The following DIP2B variants were observed in gnomAD, a reference collection of about 807,000 sequenced individuals.
DIP2B encodes DIP2 acetate--CoA ligase B (putative).
In DIP2B, 76 loss-of-function variants were observed where a neutral mutation model predicts 198.0. The observed-to-expected ratio is 0.38, with a 90% CI of 0.32 to 0.46. The LOEUF is 0.46. Among genes scored for constraint, DIP2B ranks in the 20% least tolerant of loss-of-function variants. The pLI is 0.99. For synonymous variants in DIP2B, 701 were observed against 739.1 expected (o/e 0.95, Z 0.84); for missense variants, 1,559 against 1,978.4 (o/e 0.79, Z 4.02).
intron 19 of DIP2B, among the ~76,000 whole-genome samples, chr12:50,700,208 G>A (rs912944803): frequency 2.9e-4 from 44 of 152,152 alleles, no homozygotes; most frequent in African/African-American, 8.0e-4. Context: ...AGCTAGACTC[G>A]CACACGGTTT....
intron 1 of DIP2B, among the ~76,000 whole-genome samples, chr12:50,591,236 T>C (rs1032106824): frequency 6.6e-6 from 1 of 152,222 alleles, no homozygotes; most frequent in African/African-American, 2.4e-5. Flanking sequence ...CAATAATCTG[T>C]TTTACTTCTC....
chr12:50,695,927 T>C lies in DIP2B; in HGVS notation c.1893T>C (p.Ser631=), dbSNP rs763034446. Residue 631 remains serine, a synonymous_variant, in exon 16 of 38, where the codon AGT becomes AGC. Coordinates refer to ENST00000301180, the MANE Select transcript of DIP2B (RefSeq NM_173602.3). Reference sequence around the variant, plus strand: ...GGGACCAAAGAGACGTGAGCTTGAGTTCCCTCCGAATGTTAATTGTGACTG... The same window carrying C: ...GGGACCAAAGAGACGTGAGCTTGAGCTCCCTCCGAATGTTAATTGTGACTG... The part of the protein sequence containing the change: ...AHRDQRDVSL[S]SLRMLIVTDG... 6.2e-7 allele frequency: 1 copy of C among 1,614,028 alleles called. No individual in the cohort carries two copies. Among genetic ancestry groups the C allele is most frequent in the East Asian group, 2.2e-5 (1 of 44,880 alleles).
At chr12:50,651,231 G>C (rs1012851802) in intron 3 of DIP2B, among the ~76,000 whole-genome samples, 1 of 152,002 alleles carries the variant, frequency 6.6e-6, no homozygotes, top group Non-Finnish European at 1.5e-5. Context: ...GGATATTAAC[G>C]CCCTACCCAA....
chr12:50,650,473 T>C (rs1593687205), intron 3 of DIP2B, among the ~76,000 whole-genome samples: 1 of 152,042 alleles, frequency 6.6e-6, no homozygotes, highest in African/African-American at 2.4e-5. Flanking sequence ...ACAACTCATT[T>C]CCCCCTCCTC....
chr12:50,732,709 A>C (rs1157090684), intron 32 of DIP2B, among the ~76,000 whole-genome samples, 173 bp downstream of exon 32: 1 of 152,126 alleles, frequency 6.6e-6, no homozygotes, highest in Non-Finnish European at 1.5e-5. Flanking sequence ...CTCATCTGTA[A>C]GGTGAAGGTA....
chr12:50,619,085 GGGTTGCAT>G (rs1937755202), intron 1 of DIP2B, among the ~76,000 whole-genome samples: 1 of 152,052 alleles, frequency 6.6e-6, no homozygotes, highest in South Asian at 2.1e-4. Flanking sequence ...CTTTAAAGCA[GGGTTGCAT>G]GGCATATGCT....
At chr12:50,679,977 G>C (rs1429757259) in intron 8 of DIP2B, 1 of 152,064 alleles carries the variant, frequency 6.6e-6, no homozygotes, top group Admixed American at 6.6e-5. Flanking sequence ...TAAAAAACTG[G>C]CCGGGCACAG....
intron 1 of DIP2B, among the ~76,000 whole-genome samples, chr12:50,557,701 G>T (rs942170245): frequency 1.3e-5 from 2 of 152,206 alleles, no homozygotes; most frequent in African/African-American, 2.4e-5. Context: ...ACATCTGTAT[G>T]CATGAACCAC....
At chr12:50,694,500 AATAAATACATAC>A (rs1431695698) in intron 14 of DIP2B, among the ~76,000 whole-genome samples, 48 of 127,122 alleles carry the variant, frequency 3.8e-4, no homozygotes, top group Admixed American at 7.3e-4. Flanking sequence ...GTCTCAGATA[AATAAATACATAC>A]ATACATACAT....
intron 1 of DIP2B, among the ~76,000 whole-genome samples, chr12:50,511,401 C>T (rs746638905): frequency 9.0e-5 from 13 of 144,902 alleles, no homozygotes; most frequent in Non-Finnish European, 1.2e-4. Context: ...AAGCGATTCT[C>T]CTGCCTCAGC....
At chr12:50,610,937 T>C (rs893265296) in intron 1 of DIP2B, among the ~76,000 whole-genome samples, 1 of 152,028 alleles carries the variant, frequency 6.6e-6, no homozygotes, top group Non-Finnish European at 1.5e-5. Flanking sequence ...TAGCTGGGAT[T>C]ACAGGAGCCT....
intron 6 of DIP2B, 80 bp downstream of exon 6, chr12:50,674,709 T>C (rs1175256521): frequency 6.5e-7 from 1 of 1,547,158 alleles, no homozygotes; most frequent in Non-Finnish European, 8.8e-7. Context: ...AGCTCCTAAC[T>C]AGCCCAGCAG....
intron 1 of DIP2B, among the ~76,000 whole-genome samples, chr12:50,614,434 G>T (rs371650896): frequency 2.0e-5 from 3 of 152,030 alleles, no homozygotes; most frequent in African/African-American, 7.2e-5. Flanking sequence ...CACACCCAAG[G>T]CTTCAGCTAC....
chr12:50,595,451 A>G (rs1335766498), intron 1 of DIP2B, among the ~76,000 whole-genome samples: 1 of 152,120 alleles, frequency 6.6e-6, no homozygotes, highest in Non-Finnish European at 1.5e-5. Context: ...GACTACAGGC[A>G]TGCACCACCA....
At chr12:50,620,497 C>T (rs1009026878) in intron 1 of DIP2B, among the ~76,000 whole-genome samples, 4 of 152,144 alleles carry the variant, frequency 2.6e-5, no homozygotes, top group African/African-American at 9.7e-5. Flanking sequence ...CTCGCCACGA[C>T]CATTCTCTTG....
At chr12:50,703,375 G>A (rs1003566729) in intron 19 of DIP2B, among the ~76,000 whole-genome samples, 2 of 152,066 alleles carry the variant, frequency 1.3e-5, no homozygotes, top group Admixed American at 6.6e-5. Context: ...ATTAATGAGT[G>A]TAAATGGATA....
rs1958340101 is a variant in DIP2B, at chr12:50,542,992, T to A, written c.100+37752T>A. On this transcript the variant is annotated intron_variant, in intron 1 of 37. Transcript: ENST00000301180. ...AAGCTATCCTCCCACCTCAGCCTCC[T>A]AAGTAGCTGGGACTACAGATGTGTG... Among the ~76,000 whole-genome samples the A allele has an allele frequency of 3.3e-5, 5 of 151,690 alleles. No individual in the cohort carries two copies. In the South Asian group the frequency reaches 1.0e-3, roughly 32 times the overall value.
At chr12:50,545,963 A>G (rs932215338) in intron 1 of DIP2B, among the ~76,000 whole-genome samples, 1 of 152,166 alleles carries the variant, frequency 6.6e-6, no homozygotes, top group African/African-American at 2.4e-5. Context: ...GGACTTGTGT[A>G]TAGCATGGTA....
intron 4 of DIP2B, among the ~76,000 whole-genome samples, chr12:50,664,085 T>G (rs1938704199): frequency 6.6e-6 from 1 of 152,136 alleles, no homozygotes; most frequent in Admixed American, 6.6e-5. Context: ...GGATAACTTC[T>G]AGAGTGCACC....
Sources: gnomAD v4.1 joint callset for allele counts (sites outside exome capture counted in the v4.1 genomes callset) on GRCh38, gnomAD v4.1.1 for gene constraint, MANE v1.5 for transcripts, NCBI Gene and HGNC (gene_info 2026-07-23, HGNC 2026-07-21) for gene names.